VAT1L: variants seen among roughly 807,000 people sequenced by gnomAD.
VAT1L encodes putative NADPH-dependent quinone oxidoreductase VAT1L.
In VAT1L, 34 loss-of-function variants were observed where a neutral mutation model predicts 44.1. The observed-to-expected ratio is 0.77, with a 90% CI of 0.59 to 1.03. The LOEUF (loss-of-function observed/expected upper bound fraction) is 1.03, where lower values mean the gene tolerates loss of function less well. Among genes scored for constraint, VAT1L ranks in the 50% least tolerant of loss-of-function variants. VAT1L has a pLI of 0.00. For missense variants in VAT1L, 615 were observed against 538.8 expected, an observed-to-expected ratio of 1.14 and a Z score of -1.40; for synonymous variants, 253 against 202.2, an observed-to-expected ratio of 1.25 and a Z score of -2.13.
chr16:77,852,879 C>G (rs2016821329), intron 3 of VAT1L, among the ~76,000 whole-genome samples: 1 of 152,184 alleles, frequency 6.6e-6, no homozygotes, highest in Non-Finnish European at 1.5e-5. Flanking sequence ...TGCTTCGGTT[C>G]TTCCATCTGG....
intron 3 of VAT1L, among the ~76,000 whole-genome samples, chr16:77,856,331 G>C (rs995744519): frequency 6.6e-6 from 1 of 152,132 alleles, no homozygotes; most frequent in Non-Finnish European, 1.5e-5. Context: ...TCCTTACTTA[G>C]TTGAGTTTCT....
At chr16:77,868,867 T>C (rs1170366832) in intron 4 of VAT1L, among the ~76,000 whole-genome samples, 1 of 152,106 alleles carries the variant, frequency 6.6e-6, no homozygotes, top group East Asian at 1.9e-4. Context: ...TCTCTACCCA[T>C]TAGATGCCAG....
intron 1 of VAT1L, among the ~76,000 whole-genome samples, chr16:77,810,990 T>C (rs530618746): frequency 5.3e-5 from 8 of 152,314 alleles, no homozygotes; most frequent in Non-Finnish European, 8.8e-5. Context: ...TGTCTCTTAA[T>C]TGAACTAATG....
At chr16:77,827,636 A>G (rs954435869) in intron 3 of VAT1L, among the ~76,000 whole-genome samples, 8 of 152,202 alleles carry the variant, frequency 5.3e-5, no homozygotes, top group African/African-American at 1.7e-4. Flanking sequence ...AAGTTGTACA[A>G]TTTTGTCTCT....
Position 77,807,167 on chromosome 16 carries a change from G to A in VAT1L, c.234-9754G>A, listed in dbSNP as rs74029411. Among the ~76,000 whole-genome samples, 1,168 of 152,286 alleles carry A rather than the reference G, an allele frequency of 7.7e-3. 19 individuals are homozygous for A. Among genetic ancestry groups the A allele is most frequent in the African/African-American group, 0.027 (1,127 of 41,564 alleles). On this transcript the variant is annotated intron_variant, in intron 1 of 8. Transcript: ENST00000302536. ...CAGTGACAGCTGCTCTGTGACCACA[G>A]GGGAATAAACCCTGAAAGGAGAGAT... is the stretch of plus-strand genomic sequence containing the variant.
At chr16:77,801,890 A>C (rs1178974732) in intron 1 of VAT1L, among the ~76,000 whole-genome samples, 1 of 152,080 alleles carries the variant, frequency 6.6e-6, no homozygotes, top group Non-Finnish European at 1.5e-5. Flanking sequence ...AACTCCCTAA[A>C]ATTGTTCCTA....
In VAT1L at chr16:77,884,593, C is replaced by T. The variant is rs777730284; in HGVS notation, c.883-15C>T. ...GTATTGAGTTCCTATAACCCAATACCACCTCTCTTTGCAGTGGTGGCAGGT... is the reference window on the plus strand; with the variant it reads ...GTATTGAGTTCCTATAACCCAATACTACCTCTCTTTGCAGTGGTGGCAGGT... On this transcript the variant is annotated splice_polypyrimidine_tract_variant and intron_variant, in intron 6 of 8. Coordinates refer to ENST00000302536, the MANE Select transcript of VAT1L (RefSeq NM_020927.3). The surrounding 1 kb of genome is among the most constrained non-coding windows in gnomAD (Gnocchi z 4.5). 1.2e-4 allele frequency: 198 copies of T among 1,610,198 alleles called. No individual in the cohort carries two copies. Among genetic ancestry groups the T allele is most frequent in the Non-Finnish European group, 1.6e-4 (188 of 1,178,618 alleles).
chr16:77,932,257 C>T (rs2017740169), intron 7 of VAT1L, among the ~76,000 whole-genome samples: 1 of 151,958 alleles, frequency 6.6e-6, no homozygotes, highest in South Asian at 2.1e-4. Flanking sequence ...GCGCCCGCCA[C>T]CACAGCTGGC....
intron 7 of VAT1L, among the ~76,000 whole-genome samples, chr16:77,914,817 C>T (rs2017535469): frequency 6.6e-6 from 1 of 152,142 alleles, no homozygotes; most frequent in African/African-American, 2.4e-5. Flanking sequence ...TTTAATAACA[C>T]CAGATTGATT....
At chr16:77,833,621 T>C (rs576255037) in intron 3 of VAT1L, among the ~76,000 whole-genome samples, 54 of 151,972 alleles carry the variant, frequency 3.6e-4, no homozygotes, top group African/African-American at 1.3e-3. Context: ...CATGGTGGCG[T>C]GTGCCTGTAA....
intron 7 of VAT1L, among the ~76,000 whole-genome samples, chr16:77,943,645 G>A (rs448730): frequency 0.088 from 13,283 of 150,994 alleles, 791 homozygotes; most frequent in Non-Finnish European, 0.12. Flanking sequence ...CTCATGATCC[G>A]CCTGTCTCGG....
Position 77,977,803 on chromosome 16 carries a change from G to A in VAT1L, c.*108G>A, listed in dbSNP as rs866049035. 97 of 1,080,960 alleles carry A rather than the reference G, an allele frequency of 9.0e-5. No individual in the cohort carries two copies. The Middle Eastern group carries it at 9.1e-4, about 10-fold the overall frequency. 67.0% of individuals were successfully genotyped at this position (1,080,960 alleles called of 1,614,324 possible). ...CAAATGCTGTAGTCCAGTGCGTGTCGTGTTTGTCTGCAGTCAGCTGAGCTA... is the reference window on the plus strand; with the variant it reads ...CAAATGCTGTAGTCCAGTGCGTGTCATGTTTGTCTGCAGTCAGCTGAGCTA... On this transcript the variant is annotated 3_prime_UTR_variant, in exon 9 of 9. Transcript: ENST00000302536.
intron 7 of VAT1L, among the ~76,000 whole-genome samples, chr16:77,922,029 T>A (rs1038271583): frequency 6.6e-6 from 1 of 152,202 alleles, no homozygotes; most frequent in East Asian, 1.9e-4. Context: ...ATTACAGGCA[T>A]GAGCCACTGC....
chr16:77,955,722 C>CA (rs1485809248), intron 7 of VAT1L, among the ~76,000 whole-genome samples: 10 of 122,852 alleles, frequency 8.1e-5, no homozygotes, highest in African/African-American at 2.8e-4. Context: ...CTCCATATCC[C>CA]CCCCCCCAAA....
At chr16:77,815,744 G>A (rs549780297) in intron 1 of VAT1L, among the ~76,000 whole-genome samples, 30 of 151,800 alleles carry the variant, frequency 2.0e-4, no homozygotes, top group African/African-American at 3.4e-4. Context: ...CAAGGTGGGC[G>A]GATCACCTGA....
chr16:77,906,697 C>T (rs2017440846), intron 7 of VAT1L, among the ~76,000 whole-genome samples: 1 of 152,120 alleles, frequency 6.6e-6, no homozygotes, highest in Non-Finnish European at 1.5e-5. Flanking sequence ...CGGTCACTCC[C>T]CATTAGTCAA....
At position 77,884,414 on chromosome 16, in the gene VAT1L, C is replaced by A. The variant is rs1027329216; in HGVS notation, c.883-194C>A. 6.6e-6 allele frequency among the ~76,000 whole-genome samples: 1 copy of A among 151,918 alleles called. No individual in the cohort carries two copies. The highest frequency in any genetic ancestry group is 1.5e-5 in the Non-Finnish European group (1 of 68,010). On this transcript the variant is annotated intron_variant, in intron 6 of 8. Transcript: ENST00000302536. The surrounding 1 kb of genome is among the most constrained non-coding windows in gnomAD (Gnocchi z 4.5). ...CTCCAGCCTGGGCTACAGAGTGAGACTCCATCTCAAAAAATAAAAATAAAA... is the reference window on the plus strand; with the variant it reads ...CTCCAGCCTGGGCTACAGAGTGAGAATCCATCTCAAAAAATAAAAATAAAA...
chr16:77,961,773 C>A lies in VAT1L; in HGVS notation c.1078-10077C>A, dbSNP rs530964148. 2.6e-5 allele frequency among the ~76,000 whole-genome samples: 4 copies of A among 152,152 alleles called. No homozygotes were observed. In the South Asian group the frequency reaches 8.3e-4, roughly 32 times the overall value. On this transcript the variant is annotated intron_variant, in intron 7 of 8. Coordinates refer to ENST00000302536, the MANE Select transcript of VAT1L (RefSeq NM_020927.3). Reference sequence around the variant, plus strand: ...GGAAAAGCCTGGGCTTGGCCCCCTGCCTTCTGACCTTACTCCCAGCTCCTC... The same window carrying A: ...GGAAAAGCCTGGGCTTGGCCCCCTGACTTCTGACCTTACTCCCAGCTCCTC...
In VAT1L at chr16:77,979,259, G is replaced by A. The variant is rs985070893; in HGVS notation, c.*1564G>A. The stretch of plus-strand genomic sequence containing the variant: ...AAGAGTTTCTCCTCATTGTGAATGT[G>A]TATGTAAAATATGAAGACAAGAAAG... On this transcript the variant is annotated 3_prime_UTR_variant, in exon 9 of 9. Transcript: ENST00000302536. 6.6e-6 allele frequency: 1 copy of A among 152,570 alleles called. No homozygotes were observed. The highest frequency in any genetic ancestry group is 1.5e-5 in the Non-Finnish European group (1 of 68,038). The allele number at this position is 152,570 out of a possible 1,614,324, so 9.5% of individuals were successfully genotyped here. A position where few individuals can be genotyped will look rare whatever the true frequency, so the allele number is the denominator to read the frequency against.
Sources: gnomAD v4.1 joint callset for allele counts (sites outside exome capture counted in the v4.1 genomes callset) on GRCh38, gnomAD v4.1.1 for gene constraint, Gnocchi (gnomAD v3.1) non-coding constraint, MANE v1.5 for transcripts, NCBI Gene and HGNC (gene_info 2026-07-23, HGNC 2026-07-21) for gene names.